The following RBFOX1 variants were observed in gnomAD, a reference collection of about 807,000 sequenced individuals.
RBFOX1 encodes RNA binding fox-1 homolog 1.
RBFOX1 carries 8 observed loss-of-function variants against 57.7 expected under a neutral mutation model. The ratio of observed to expected loss-of-function variants is 0.14; its 90% CI spans 0.08 to 0.25. RBFOX1 has a LOEUF of 0.25. Ranked by LOEUF, RBFOX1 falls within the 10% of genes least tolerant of loss-of-function variation. RBFOX1 has a pLI of 1.00. For synonymous variants in RBFOX1, 326 were observed against 222.4 expected (o/e 1.47, Z -4.15); for missense variants, 611 against 548.5 (o/e 1.11, Z -1.14).
chr16:6,044,809 T>A (rs1031293937), intron 1 of RBFOX1, among the ~76,000 whole-genome samples: 1 of 152,242 alleles, frequency 6.6e-6, no homozygotes, highest in Non-Finnish European at 1.5e-5. Context: ...GGACACAGCC[T>A]GGTCCATTGT....
Position 6,189,753 on chromosome 16 carries a change from A to G in RBFOX1, c.-126-127242A>G, listed in dbSNP as rs1485830016. Reference sequence around the variant, plus strand: ...ATTCGTACATTCCACTAAACAAGTAATATATGATATTTTTTAAAAAAATTA... The same window carrying G: ...ATTCGTACATTCCACTAAACAAGTAGTATATGATATTTTTTAAAAAAATTA... On this transcript the variant is annotated intron_variant, in intron 1 of 15. Coordinates refer to ENST00000550418, the MANE Select transcript of RBFOX1 (RefSeq NM_018723.4). Among the ~76,000 whole-genome samples, 4 of 152,190 alleles carry G rather than the reference A, an allele frequency of 2.6e-5. No individual in the cohort carries two copies. In the East Asian group the frequency reaches 7.7e-4, roughly 29 times the overall value.
chr16:7,536,157 C>A (rs574697070), intron 5 of RBFOX1, among the ~76,000 whole-genome samples: 3 of 152,114 alleles, frequency 2.0e-5, no homozygotes, highest in Admixed American at 1.3e-4. Context: ...ATGTGGATCT[C>A]GTGGAAAGGA....
In RBFOX1 at chr16:5,744,983, G is replaced by C. The variant is rs1179379896; in HGVS notation, c.319-122320G>C. 3.9e-5 allele frequency among the ~76,000 whole-genome samples: 6 copies of C among 152,082 alleles called. No individual in the cohort carries two copies. In the East Asian group the frequency reaches 1.2e-3, roughly 29 times the overall value. On this transcript the variant is annotated intron_variant, in intron 3 of 19. Transcript: ENST00000641259. The stretch of plus-strand genomic sequence containing the variant: ...TTATACTTTTAGTTCTAGGCTACAT[G>C]TGCACAACGTGCAGGTTTGTTACAT...
intron 2 of RBFOX1, among the ~76,000 whole-genome samples, chr16:6,557,947 A>G (rs866451913): frequency 6.6e-6 from 1 of 152,264 alleles, no homozygotes; most frequent in African/African-American, 2.4e-5. Flanking sequence ...ACTCATCTTA[A>G]TTAAATTCTT....
intron 1 of RBFOX1, among the ~76,000 whole-genome samples, chr16:5,329,637 C>T (rs1006125542): frequency 1.3e-5 from 2 of 152,196 alleles, no homozygotes; most frequent in Admixed American, 1.3e-4. Flanking sequence ...AACAAAATAA[C>T]ATTAATTAGT....
chr16:5,329,892 G>A (rs930143455), intron 1 of RBFOX1, among the ~76,000 whole-genome samples: 4 of 151,568 alleles, frequency 2.6e-5, no homozygotes, highest in African/African-American at 7.3e-5. Flanking sequence ...GTGATGTGAT[G>A]TGATGGCGTG....
chr16:7,427,646 A>G (rs557494918), intron 4 of RBFOX1, among the ~76,000 whole-genome samples: 1 of 134,880 alleles, frequency 7.4e-6, no homozygotes, highest in Non-Finnish European at 1.6e-5. Context: ...TTTTATTTTT[A>G]TTTATTTATT....
At chr16:6,582,953 C>T (rs2097557647) in intron 2 of RBFOX1, among the ~76,000 whole-genome samples, 1 of 151,754 alleles carries the variant, frequency 6.6e-6, no homozygotes, top group South Asian at 2.1e-4. Flanking sequence ...CTCTTTTCTC[C>T]TTTCCTTGAA....
At chr16:7,153,663 T>C (rs1472393762) in intron 4 of RBFOX1, among the ~76,000 whole-genome samples, 2 of 148,458 alleles carry the variant, frequency 1.3e-5, no homozygotes, top group African/African-American at 5.0e-5. Context: ...GGCAGGAGAA[T>C]CGCTGGAACC....
chr16:7,612,603 T>C (rs1005388730), intron 10 of RBFOX1, among the ~76,000 whole-genome samples: 8 of 151,492 alleles, frequency 5.3e-5, no homozygotes, highest in Non-Finnish European at 1.0e-4. Flanking sequence ...CCTTGTCTTC[T>C]AATAAAAAAA....
chr16:7,683,530 G>T lies in RBFOX1; in HGVS notation c.995+6692G>T, dbSNP rs1042045401. Among the ~76,000 whole-genome samples, 49 of 152,084 alleles carry T rather than the reference G, an allele frequency of 3.2e-4. 2 individuals are homozygous for T. Reference sequence around the variant, plus strand: ...CTGGACCACCAAGGAGTTGGGGAGAGATTAAAGGAATTTCCAAGCCCAACA... The same window carrying T: ...CTGGACCACCAAGGAGTTGGGGAGATATTAAAGGAATTTCCAAGCCCAACA... On this transcript the variant is annotated intron_variant, in intron 14 of 15. Coordinates refer to ENST00000550418, the MANE Select transcript of RBFOX1 (RefSeq NM_018723.4).
intron 4 of RBFOX1, among the ~76,000 whole-genome samples, chr16:7,508,298 T>G (rs2074024963): frequency 6.6e-6 from 1 of 152,102 alleles, no homozygotes; most frequent in Admixed American, 6.5e-5. Flanking sequence ...TTGTTGTTTG[T>G]TTTTGAGTAT....
chr16:7,389,027 G>T (rs1341289954), intron 4 of RBFOX1, among the ~76,000 whole-genome samples: 1 of 152,184 alleles, frequency 6.6e-6, no homozygotes, highest in Non-Finnish European at 1.5e-5. Flanking sequence ...GTTCTTTGGA[G>T]AGCCTGAATG....
intron 2 of RBFOX1, among the ~76,000 whole-genome samples, chr16:6,421,356 T>C (rs1438961405): frequency 6.6e-6 from 1 of 152,212 alleles, no homozygotes; most frequent in Non-Finnish European, 1.5e-5. Flanking sequence ...TCATGTTGAA[T>C]GAGAAAAGCG....
intron 4 of RBFOX1, among the ~76,000 whole-genome samples, chr16:7,181,834 T>C (rs1228933755): frequency 1.3e-5 from 2 of 152,148 alleles, no homozygotes; most frequent in Non-Finnish European, 2.9e-5. Flanking sequence ...GTGCTAGGAT[T>C]AAAGGTGTGA....
chr16:6,755,155 C>A (rs1216935659), intron 3 of RBFOX1, among the ~76,000 whole-genome samples: 1 of 152,158 alleles, frequency 6.6e-6, no homozygotes, highest in African/African-American at 2.4e-5. Context: ...GATAGTGCCG[C>A]AATAAACATA....
chr16:6,849,256 C>G (rs187939651), intron 3 of RBFOX1, among the ~76,000 whole-genome samples: 1 of 152,128 alleles, frequency 6.6e-6, no homozygotes, highest in South Asian at 2.1e-4. Flanking sequence ...GAAGTCTTTC[C>G]GTGGCACCTA....
intron 2 of RBFOX1, among the ~76,000 whole-genome samples, chr16:5,503,433 C>T (rs1036097167): frequency 3.3e-5 from 5 of 152,142 alleles, no homozygotes; most frequent in African/African-American, 1.2e-4. Flanking sequence ...TGGTTTCTTT[C>T]TTTGTTTTGT....
rs74823544 is a variant in RBFOX1, at chr16:5,802,197, T to G, written c.319-65106T>G. 2.2e-3 allele frequency among the ~76,000 whole-genome samples: 331 copies of G among 152,272 alleles called. 5 individuals carry two copies. The East Asian group carries it at 0.041, about 19-fold the overall frequency. ...TTATTTGCTGCCCAAACTTTGCGCT[T>G]TAAGCTCCCCATCAAAAGGAAGCCT... On this transcript the variant is annotated intron_variant, in intron 3 of 19. Transcript: ENST00000641259.
Sources: allele counts gnomAD v4.1 joint callset (sites outside exome capture counted in the v4.1 genomes callset), GRCh38; gene constraint gnomAD v4.1.1; transcripts MANE v1.5; gene names NCBI Gene and HGNC (gene_info 2026-07-23, HGNC 2026-07-21).